Variants in EDIL3 observed in about 807,000 individuals in gnomAD.
EDIL3 encodes EGF like and discoidin domains 3, also known as EGF-like repeat and discoidin I-like domain-containing protein 3.
A neutral mutation model predicts 67.4 loss-of-function variants in EDIL3; 37 were observed. The ratio of observed to expected loss-of-function variants is 0.55; its 90% confidence interval spans 0.42 to 0.72. The LOEUF is 0.72. Among genes scored for constraint, EDIL3 ranks in the 30% least tolerant of loss-of-function variants. The probability of loss-of-function intolerance (pLI) is 0.00; values close to 1 mark genes in which losing one functional copy is unlikely to be tolerated. For missense variants in EDIL3, 527 were observed against 586.3 expected, an observed-to-expected ratio of 0.90 and a Z score of 1.04; for synonymous variants, 195 against 196.3, an observed-to-expected ratio of 0.99 and a Z score of 0.05.
At position 84,341,548 on chromosome 5, in the gene EDIL3, T is replaced by C. The variant is rs974508510; in HGVS notation, c.67+42760A>G. Among the ~76,000 whole-genome samples the C allele has an allele frequency of 3.3e-5, 5 of 152,160 alleles. No homozygotes were observed. The East Asian group carries it at 5.8e-4, about 18-fold the overall frequency. ...TTTTGTTAAATATTTCTGTGTAATG[T>C]TAAACTTTTGAACTGCTTGCATTGC... On this transcript the variant is annotated intron_variant, in intron 1 of 10. Transcript: ENST00000296591.
At chr5:84,047,013 G>A (rs1211308738) in intron 9 of EDIL3, among the ~76,000 whole-genome samples, 4 of 152,130 alleles carry the variant, frequency 2.6e-5, no homozygotes, top group African/African-American at 9.7e-5. Context: ...TACTGAATAT[G>A]TCTTTCAGTT....
intron 1 of EDIL3, among the ~76,000 whole-genome samples, chr5:84,299,149 A>T (rs1234345762): frequency 6.6e-6 from 1 of 152,190 alleles, no homozygotes; most frequent in Non-Finnish European, 1.5e-5. Flanking sequence ...GGAACACACC[A>T]CGAGGACAGG....
At chr5:84,014,581 G>A (rs1485485536) in intron 9 of EDIL3, among the ~76,000 whole-genome samples, 2 of 152,160 alleles carry the variant, frequency 1.3e-5, no homozygotes, top group Non-Finnish European at 2.9e-5. Flanking sequence ...AGAGGCAGAG[G>A]TTGCAGTCAG....
chr5:84,360,439 T>C (rs1346640241), intron 1 of EDIL3, among the ~76,000 whole-genome samples: 1 of 152,158 alleles, frequency 6.6e-6, no homozygotes, highest in Non-Finnish European at 1.5e-5. Flanking sequence ...GTTTGACAAA[T>C]TAAAGGCCAA....
intron 1 of EDIL3, among the ~76,000 whole-genome samples, chr5:84,256,453 G>C (rs1745125830): frequency 6.6e-6 from 1 of 152,298 alleles, no homozygotes; most frequent in Non-Finnish European, 1.5e-5. Context: ...AGGTGATGAA[G>C]AGGAGAGAGC....
chr5:84,073,033 G>C (rs917120539), intron 6 of EDIL3, among the ~76,000 whole-genome samples: 1 of 152,162 alleles, frequency 6.6e-6, no homozygotes, highest in East Asian at 1.9e-4. Flanking sequence ...TGCATGTCTA[G>C]ATTTGACAGG....
chr5:84,357,481 G>C (rs531332064), intron 1 of EDIL3, among the ~76,000 whole-genome samples: 9 of 152,134 alleles, frequency 5.9e-5, no homozygotes, highest in African/African-American at 2.2e-4. Flanking sequence ...ATGATATTTT[G>C]GACTGTGAAA....
At chr5:84,193,400 A>C (rs1743631684) in intron 3 of EDIL3, among the ~76,000 whole-genome samples, 2 of 151,870 alleles carry the variant, frequency 1.3e-5, no homozygotes, top group South Asian at 2.1e-4. Context: ...CATTCACTGA[A>C]ACAGCAACAC....
chr5:84,264,589 T>C (rs1000862394), intron 1 of EDIL3, among the ~76,000 whole-genome samples: 1 of 152,208 alleles, frequency 6.6e-6, no homozygotes, highest in African/African-American at 2.4e-5. Flanking sequence ...CTGACCACTT[T>C]ATGTTTGTTG....
At chr5:83,971,532 T>C (rs556644917) in intron 9 of EDIL3, among the ~76,000 whole-genome samples, 2 of 152,180 alleles carry the variant, frequency 1.3e-5, no homozygotes, top group African/African-American at 4.8e-5. Flanking sequence ...CCTCCAAAAA[T>C]ATTTTTATAT....
chr5:84,362,933 T>A (rs1041688718), intron 1 of EDIL3, among the ~76,000 whole-genome samples: 2 of 152,110 alleles, frequency 1.3e-5, no homozygotes, highest in Non-Finnish European at 2.9e-5. Context: ...ACAGAAATTA[T>A]TTTAGCAACA....
chr5:84,359,296 C>T (rs1187767447), intron 1 of EDIL3, among the ~76,000 whole-genome samples: 1 of 151,998 alleles, frequency 6.6e-6, no homozygotes, highest in African/African-American at 2.4e-5. Context: ...ATCTCTAGTG[C>T]CCAAATTTGC....
intron 1 of EDIL3, among the ~76,000 whole-genome samples, chr5:84,337,446 A>C (rs1339471353): frequency 6.6e-6 from 1 of 152,152 alleles, no homozygotes; most frequent in East Asian, 1.9e-4. Flanking sequence ...CAAATTAGAG[A>C]GTATAGGTAA....
At chr5:83,990,541 T>A (rs1170783210) in intron 9 of EDIL3, among the ~76,000 whole-genome samples, 1 of 146,704 alleles carries the variant, frequency 6.8e-6, no homozygotes, top group Non-Finnish European at 1.5e-5. Context: ...CAAGTGGAAG[T>A]CAGAAAGAAG....
intron 5 of EDIL3, among the ~76,000 whole-genome samples, chr5:84,133,334 A>T (rs1165017687): frequency 6.6e-6 from 1 of 151,862 alleles, no homozygotes; most frequent in Non-Finnish European, 1.5e-5. Context: ...ATTTAAAAGG[A>T]ATGAGGGTCT....
At position 84,150,748 on chromosome 5, in the gene EDIL3, A is replaced by G. The variant is rs541190744; in HGVS notation, c.356-13394T>C. The stretch of plus-strand genomic sequence containing the variant: ...TCAAATACTTAAACACATGTCTACC[A>G]TATGATTCAGCCATTCTACTCCTAC... On this transcript the variant is annotated intron_variant, in intron 4 of 10. Transcript: ENST00000296591. Among the ~76,000 whole-genome samples, 5 of 152,290 alleles carry G rather than the reference A, an allele frequency of 3.3e-5. No homozygotes were observed. The East Asian group carries it at 9.7e-4, about 29-fold the overall frequency.
intron 3 of EDIL3, among the ~76,000 whole-genome samples, chr5:84,228,579 T>C (rs184974948): frequency 7.2e-5 from 11 of 152,292 alleles, no homozygotes; most frequent in Non-Finnish European, 1.5e-4. Flanking sequence ...AACAATATTA[T>C]GAAAATGAAA....
chr5:84,140,614 G>A (rs1748171685), intron 4 of EDIL3, among the ~76,000 whole-genome samples: 1 of 31,604 alleles, frequency 3.2e-5, no homozygotes, highest in Admixed American at 2.9e-4. Context: ...GAAGTGGAAT[G>A]AATTGGAATG....
At chr5:84,292,400 G>C (rs1745941960) in intron 1 of EDIL3, among the ~76,000 whole-genome samples, 1 of 152,060 alleles carries the variant, frequency 6.6e-6, no homozygotes, top group South Asian at 2.1e-4. Context: ...ATAAGACATA[G>C]TGTCCCGGAG....
Sources: allele counts gnomAD v4.1 joint callset (sites outside exome capture counted in the v4.1 genomes callset), GRCh38; gene constraint gnomAD v4.1.1; transcripts MANE v1.5; gene names NCBI Gene and HGNC (gene_info 2026-07-23, HGNC 2026-07-21).